The following AFG2A variants were observed in gnomAD, a reference collection of about 807,000 sequenced individuals.
The protein encoded by AFG2A is ATPase family gene 2 protein homolog A.
the AFG2A span, among the ~76,000 whole-genome samples, chr4:123,145,485 C>A: frequency 6.6e-6 from 1 of 152,172 alleles, no homozygotes; most frequent in East Asian, 1.9e-4. Flanking sequence ...CACTTTCAAT[C>A]TGCTAATATG....
the AFG2A span, among the ~76,000 whole-genome samples, chr4:123,126,194 T>A: frequency 1.4e-4 from 21 of 152,214 alleles, no homozygotes; most frequent in Non-Finnish European, 1.3e-4. Context: ...CTATTATACA[T>A]TCATTATTTT....
At chr4:123,062,773 A>G in the AFG2A span, among the ~76,000 whole-genome samples, 1 of 152,240 alleles carries the variant, frequency 6.6e-6, no homozygotes, top group Non-Finnish European at 1.5e-5. Context: ...TTATGGTACC[A>G]GCTTCATATA....
At chr4:123,225,364 A>G in the AFG2A span, among the ~76,000 whole-genome samples, 3 of 152,136 alleles carry the variant, frequency 2.0e-5, no homozygotes, top group African/African-American at 7.2e-5. Context: ...TAAGTCTTTA[A>G]TCCATCTTGA....
the AFG2A span, among the ~76,000 whole-genome samples, chr4:123,202,837 G>C: frequency 6.6e-6 from 1 of 152,106 alleles, no homozygotes; most frequent in Non-Finnish European, 1.5e-5. Flanking sequence ...CCACTAGTCT[G>C]TGTCCATCTC....
the AFG2A span, among the ~76,000 whole-genome samples, chr4:123,020,871 G>T: frequency 1.3e-5 from 2 of 152,106 alleles, no homozygotes; most frequent in Admixed American, 1.3e-4. Context: ...GTTTTGGGAG[G>T]ATAGTCTAGG....
At chr4:123,277,492 G>A in the AFG2A span, among the ~76,000 whole-genome samples, 18 of 152,158 alleles carry the variant, frequency 1.2e-4, no homozygotes, top group East Asian at 2.3e-3. Context: ...GATTTCTCTG[G>A]CTAGGACTTC....
At chr4:123,291,395 TTA>T in the AFG2A span, among the ~76,000 whole-genome samples, 3 of 152,340 alleles carry the variant, frequency 2.0e-5, no homozygotes, top group East Asian at 3.9e-4. Flanking sequence ...GTTTTCTTCA[TTA>T]TGTTACTGTT....
chr4:123,067,021 A>G, the AFG2A span, among the ~76,000 whole-genome samples: 2 of 152,160 alleles, frequency 1.3e-5, no homozygotes, highest in Non-Finnish European at 1.5e-5. Context: ...GCATTTTACT[A>G]GGAACTGGGA....
At chr4:123,167,995 A>G in the AFG2A span, among the ~76,000 whole-genome samples, 4 of 152,188 alleles carry the variant, frequency 2.6e-5, no homozygotes, top group African/African-American at 9.6e-5. Context: ...TAACACACCT[A>G]TGCACACCAA....
chr4:122,924,303 A>G, the AFG2A span, among the ~76,000 whole-genome samples: 6,773 of 152,246 alleles, frequency 0.044, 298 homozygotes, highest in South Asian at 0.15. Flanking sequence ...CAAGCTTCTT[A>G]AATGGAGTGG....
At chr4:122,968,500 T>A in the AFG2A span, among the ~76,000 whole-genome samples, 1 of 152,198 alleles carries the variant, frequency 6.6e-6, no homozygotes, top group Non-Finnish European at 1.5e-5. Context: ...ATGCCATAGA[T>A]CAGTTTTGCC....
the AFG2A span, among the ~76,000 whole-genome samples, chr4:123,078,582 C>T: frequency 6.6e-6 from 1 of 152,162 alleles, no homozygotes; most frequent in Non-Finnish European, 1.5e-5. Context: ...TAAATGGTCA[C>T]ATCATAAGAC....
At chr4:122,999,550 A>G in the AFG2A span, among the ~76,000 whole-genome samples, 11 of 152,078 alleles carry the variant, frequency 7.2e-5, no homozygotes, top group African/African-American at 2.4e-4. Context: ...TTCCAGCACC[A>G]TTTATTAAAT....
At chr4:123,319,159 AT>A in the AFG2A span, 5 of 152,338 alleles carry the variant, frequency 3.3e-5, no homozygotes, top group South Asian at 4.1e-4. Flanking sequence ...TAAAAATAAT[AT>A]ATAGATTTTG....
chr4:122,944,405 C>T, the AFG2A span, among the ~76,000 whole-genome samples: 1 of 152,180 alleles, frequency 6.6e-6, no homozygotes. Context: ...ATCACTGATA[C>T]CCTTTCTTCC....
the AFG2A span, among the ~76,000 whole-genome samples, chr4:122,950,975 C>A: frequency 6.6e-6 from 1 of 152,168 alleles, no homozygotes; most frequent in Non-Finnish European, 1.5e-5. Context: ...GGTAAGTTGT[C>A]CCCTATGTCC....
chr4:123,187,532 T>C, the AFG2A span, among the ~76,000 whole-genome samples: 1 of 152,212 alleles, frequency 6.6e-6, no homozygotes, highest in African/African-American at 2.4e-5. Flanking sequence ...ATTTAGTTAT[T>C]AAGAATATTG....
chr4:122,969,603 C>T, the AFG2A span, among the ~76,000 whole-genome samples: 3 of 152,132 alleles, frequency 2.0e-5, no homozygotes, highest in East Asian at 5.8e-4. Flanking sequence ...GTGTCGGGTT[C>T]TTCCTTCTCC....
the AFG2A span, among the ~76,000 whole-genome samples, chr4:123,313,361 A>C: frequency 2.6e-5 from 4 of 152,220 alleles, no homozygotes; most frequent in African/African-American, 4.8e-5. Context: ...CATTAAAGAG[A>C]TACACATAAA....
Sources: allele counts gnomAD v4.1 joint callset (sites outside exome capture counted in the v4.1 genomes callset), GRCh38; gene constraint gnomAD v4.1.1; transcripts MANE v1.5; gene names NCBI Gene and HGNC (gene_info 2026-07-23, HGNC 2026-07-21).